The following STAB2 variants were observed in gnomAD, a reference collection of about 807,000 sequenced individuals.
STAB2 encodes stabilin-2.
A neutral mutation model predicts 338.1 loss-of-function variants in STAB2; 288 were observed. That is an observed-to-expected ratio of 0.85 (90% confidence interval 0.77 to 0.94). The LOEUF is 0.94. STAB2 is among the 40% of genes least tolerant of loss of function. STAB2 has a pLI of 0.00. For synonymous variants in STAB2, 1,202 were observed against 1,193.3 expected (o/e 1.01, Z -0.15); for missense variants, 3,141 against 3,210.1 (o/e 0.98, Z 0.52).
At chr12:103,590,237 C>T (rs900631926) in intron 1 of STAB2, among the ~76,000 whole-genome samples, 4 of 152,128 alleles carry the variant, frequency 2.6e-5, no homozygotes. Flanking sequence ...TCTGATTTCC[C>T]CAATTCATTT....
intron 53 of STAB2, among the ~76,000 whole-genome samples, chr12:103,738,417 C>A (rs898789761): frequency 2.0e-5 from 3 of 152,152 alleles, no homozygotes; most frequent in African/African-American, 7.2e-5. Flanking sequence ...TACAATAATC[C>A]AATAATAGGA....
chr12:103,650,284 G>A (rs1035212643), intron 10 of STAB2, among the ~76,000 whole-genome samples: 1 of 152,046 alleles, frequency 6.6e-6, no homozygotes, highest in Non-Finnish European at 1.5e-5. Context: ...AAACTCTCAC[G>A]GCATTATGTG....
At chr12:103,744,588 T>C (rs1274583287) in intron 56 of STAB2, among the ~76,000 whole-genome samples, 1 of 149,062 alleles carries the variant, frequency 6.7e-6, no homozygotes. Flanking sequence ...CATCCCAGCC[T>C]CCCAAGTAGC....
intron 47 of STAB2, among the ~76,000 whole-genome samples, chr12:103,728,528 G>A (rs1881390292): frequency 6.6e-6 from 1 of 152,234 alleles, no homozygotes; most frequent in Admixed American, 6.5e-5. Context: ...TTCCCAGCAT[G>A]TTTCACAAGA....
At chr12:103,698,750 A>G (rs1878611607) in intron 33 of STAB2, among the ~76,000 whole-genome samples, 1 of 152,060 alleles carries the variant, frequency 6.6e-6, no homozygotes, top group Non-Finnish European at 1.5e-5. Flanking sequence ...CGTGCCCCAG[A>G]GGTGAAAGGC....
chr12:103,591,013 A>G lies in STAB2; in HGVS notation c.198A>G (p.Val66=). The G allele has an allele frequency of 6.2e-7, 1 of 1,613,998 alleles. No homozygotes were observed. ...ACACCATGATTACCAGTGGCTCTGT[A>G]GGGGTTCGAGATTGCAGGTACTCAT... ...DGYTMITSGS[V]GVRDCRYTFE... is the part of the protein sequence containing the mutation. Residue 66 remains valine (V), a synonymous_variant, in exon 2 of 69, where the codon GTA becomes GTG. Coordinates refer to ENST00000388887, the MANE Select transcript of STAB2 (RefSeq NM_017564.10).
intron 2 of STAB2, among the ~76,000 whole-genome samples, chr12:103,592,900 A>G (rs972868193): frequency 2.0e-5 from 3 of 152,328 alleles, no homozygotes; most frequent in African/African-American, 7.2e-5. Context: ...TTCCTCATAT[A>G]AGTGGGATCA....
intron 46 of STAB2, 88 bp downstream of exon 46, chr12:103,726,251 G>A: frequency 1.4e-6 from 2 of 1,391,512 alleles, no homozygotes; most frequent in Non-Finnish European, 1.0e-6. Flanking sequence ...CACTTTGGGA[G>A]GCCAAGGCGG....
In STAB2 at chr12:103,668,634, T is replaced by C; in HGVS notation, c.2086-9T>C. The C allele has an allele frequency of 6.4e-7, 1 of 1,551,432 alleles. No individual in the cohort carries two copies. Among genetic ancestry groups the C allele is most frequent in the Non-Finnish European group, 8.7e-7 (1 of 1,147,040 alleles). On this transcript the variant is annotated splice_polypyrimidine_tract_variant and intron_variant, in intron 19 of 68. Coordinates refer to ENST00000388887, the MANE Select transcript of STAB2 (RefSeq NM_017564.10). Reference sequence around the variant, plus strand: ...GACTGCCATGCTTTCCCTCCTTGGCTTTCTCCAGGCACTCTTCACACACAG... The same window carrying C: ...GACTGCCATGCTTTCCCTCCTTGGCCTTCTCCAGGCACTCTTCACACACAG...
At chr12:103,679,647 TC>T in intron 25 of STAB2, among the ~76,000 whole-genome samples, 1 of 152,270 alleles carries the variant, frequency 6.6e-6, no homozygotes, top group East Asian at 1.9e-4. Flanking sequence ...GAGAAATCTT[TC>T]AGTTATAACA....
chr12:103,615,152 G>T (rs767681482), intron 3 of STAB2, among the ~76,000 whole-genome samples: 2 of 152,202 alleles, frequency 1.3e-5, no homozygotes, highest in Non-Finnish European at 2.9e-5. Context: ...GGGTAGGGAT[G>T]ATTTTTCTAA....
intron 4 of STAB2, among the ~76,000 whole-genome samples, chr12:103,621,071 T>C (rs1203064629): frequency 1.3e-5 from 2 of 151,964 alleles, no homozygotes; most frequent in Non-Finnish European, 2.9e-5. Flanking sequence ...CACTCCAGTC[T>C]GGGTGACAAG....
Position 103,755,788 on chromosome 12 carries a change from G to A in STAB2, c.6987+70G>A, listed in dbSNP as rs1037684113. On this transcript the variant is annotated intron_variant, in intron 63 of 68. Coordinates refer to ENST00000388887, the MANE Select transcript of STAB2 (RefSeq NM_017564.10). ...GCCTCAAAGCAGGTATTAGAGGGGT[G>A]AGGCCTTAAGCTGAAGGCCACAGTC... The A allele has an allele frequency of 3.4e-6, 5 of 1,461,354 alleles. No homozygotes were observed. The African/African-American group carries it at 6.9e-5, about 20-fold the overall frequency. The allele number at this position is 1,461,354 out of a possible 1,614,324, so 90.5% of individuals were successfully genotyped here. A position where few individuals can be genotyped will look rare whatever the true frequency, so the allele number is the denominator to read the frequency against.
intron 6 of STAB2, 69 bp downstream of exon 6, chr12:103,631,762 G>C (rs1315643367): frequency 6.7e-7 from 1 of 1,488,220 alleles, no homozygotes; most frequent in African/African-American, 1.4e-5. Flanking sequence ...TTTCAATTTT[G>C]TATCTGTTAC....
intron 5 of STAB2, among the ~76,000 whole-genome samples, chr12:103,623,258 G>C (rs1317570794): frequency 6.6e-6 from 1 of 152,190 alleles, no homozygotes; most frequent in African/African-American, 2.4e-5. Context: ...GGGGAAAGGA[G>C]CCATAGTGTG....
At chr12:103,630,355 T>C (rs1314870922) in intron 5 of STAB2, among the ~76,000 whole-genome samples, 1 of 152,224 alleles carries the variant, frequency 6.6e-6, no homozygotes, top group Non-Finnish European at 1.5e-5. Context: ...TTGCTGGTAT[T>C]TCTGGTTAAG....
intron 22 of STAB2, among the ~76,000 whole-genome samples, chr12:103,672,318 G>A (rs1875879685): frequency 6.6e-6 from 1 of 152,096 alleles, no homozygotes; most frequent in African/African-American, 2.4e-5. Flanking sequence ...AAAAAATCAG[G>A]GTTTATCCCA....
At chr12:103,675,827 G>A (rs1876290903) in intron 23 of STAB2, 101 bp from the exon 24 acceptor site, 1 of 850,710 alleles carries the variant, frequency 1.2e-6, no homozygotes, top group Non-Finnish European at 1.9e-6. Context: ...AGCAAAGGAT[G>A]GAGCCATTTG....
chr12:103,598,376 A>T (rs1956908020), intron 3 of STAB2, among the ~76,000 whole-genome samples: 2 of 152,210 alleles, frequency 1.3e-5, no homozygotes, highest in Non-Finnish European at 2.9e-5. Context: ...GACAGCTTAT[A>T]ATGGTAAAGC....
Sources: allele counts gnomAD v4.1 joint callset (sites outside exome capture counted in the v4.1 genomes callset), GRCh38; gene constraint gnomAD v4.1.1; transcripts MANE v1.5; gene names NCBI Gene and HGNC (gene_info 2026-07-23, HGNC 2026-07-21).